Variants in YTHDC2 observed in about 807,000 individuals in gnomAD.
YTHDC2 encodes the protein YTH N6-methyladenosine RNA binding protein C2, also known as 3'-5' RNA helicase YTHDC2.
YTHDC2 carries 45 observed loss-of-function variants against 174.9 expected under a neutral mutation model. The ratio of observed to expected loss-of-function variants is 0.26; its 90% confidence interval spans 0.20 to 0.33. The LOEUF is 0.33. YTHDC2 is among the 10% of genes least tolerant of loss of function. The pLI is 1.00. For synonymous variants in YTHDC2, 657 were observed against 574.5 expected (o/e 1.14, Z -2.05); for missense variants, 1,650 against 1,723.7 (o/e 0.96, Z 0.76).
Position 113,592,134 on chromosome 5 carries a change from C to G in YTHDC2, c.4168C>G (p.Pro1390Ala). The change falls in exon 28 of 30, where the codon CCA becomes GCA. Residue 1390 changes from proline to alanine, a missense_variant. Transcript: ENST00000161863. Reference sequence around the variant, plus strand: ...TCAATTTGCACACCATTTACTCAATCCATGGAATGACAACAAGAAAGTGCA... The same window carrying G: ...TCAATTTGCACACCATTTACTCAATGCATGGAATGACAACAAGAAAGTGCA... ...PFQFAHHLLNPWNDNKKVQIS... is the reference protein window; with the variant it reads ...PFQFAHHLLNAWNDNKKVQIS... 6.2e-7 allele frequency: 1 copy of G among 1,612,584 alleles called. No homozygotes were observed. The highest frequency in any genetic ancestry group is 8.5e-7 in the Non-Finnish European group (1 of 1,179,332).
At chr5:113,534,467 T>G (rs947819094) in intron 6 of YTHDC2, 60 bp downstream of exon 6, 1 of 1,469,106 alleles carries the variant, frequency 6.8e-7, no homozygotes, top group Non-Finnish European at 9.5e-7. Context: ...TAAATACATA[T>G]GCCGTTTCAG....
At chr5:113,520,512 T>C (rs1445584247) in intron 2 of YTHDC2, among the ~76,000 whole-genome samples, 1 of 151,874 alleles carries the variant, frequency 6.6e-6, no homozygotes, top group Non-Finnish European at 1.5e-5. Flanking sequence ...TTTTTTTTTT[T>C]CTTTAAATGA....
In YTHDC2 at chr5:113,593,597, G is replaced by A. The variant is rs1779118208; in HGVS notation, c.*123G>A. Reference sequence around the variant, plus strand: ...GGCTTTTTAACACTTTTAGAGTGTTGCTTTAGAACTACCATCTTCATATAC... The same window carrying A: ...GGCTTTTTAACACTTTTAGAGTGTTACTTTAGAACTACCATCTTCATATAC... On this transcript the variant is annotated 3_prime_UTR_variant, in exon 30 of 30. Coordinates refer to ENST00000161863, the MANE Select transcript of YTHDC2 (RefSeq NM_022828.5). 2.6e-6 allele frequency: 1 copy of A among 388,044 alleles called. No homozygotes were observed. Among genetic ancestry groups the A allele is most frequent in the African/African-American group, 2.0e-5 (1 of 49,544 alleles). The allele number at this position is 388,044 out of a possible 1,614,324, so 24.0% of individuals were successfully genotyped here. A position where few individuals can be genotyped will look rare whatever the true frequency, so the allele number is the denominator to read the frequency against.
rs925973343 is a variant in YTHDC2 at position 113,545,120 on chromosome 5, A to G, written c.1495+2617A>G. Among the ~76,000 whole-genome samples the G allele has an allele frequency of 1.7e-4, 26 of 152,078 alleles. 1 individual carries two copies. The highest frequency in any genetic ancestry group is 4.8e-4 in the African/African-American group (20 of 41,412). ...TTTTAAAAAATTCTAATTGTTATCT[A>G]TTGCATTAATAAGCTTTCTCTGTTT... On this transcript the variant is annotated intron_variant, in intron 10 of 29. Transcript: ENST00000161863.
rs1340244073 is a variant in YTHDC2 at position 113,594,020 on chromosome 5, T to A, written c.*546T>A. The A allele has an allele frequency of 2.0e-5, 3 of 152,192 alleles. No homozygotes were observed. The highest frequency in any genetic ancestry group is 1.3e-4 in the Admixed American group (2 of 15,270). The allele number at this position is 152,192 out of a possible 1,614,324, so 9.4% of individuals were successfully genotyped here. On this transcript the variant is annotated 3_prime_UTR_variant, in exon 30 of 30. Transcript: ENST00000161863. Reference sequence around the variant, plus strand: ...GTGTGTGCTAACTAAGGGCTATTCATTCTGCCATTTTTAACTTGAGACACA... The same window carrying A: ...GTGTGTGCTAACTAAGGGCTATTCAATCTGCCATTTTTAACTTGAGACACA...
chr5:113,522,122 C>A (rs1466971372), intron 2 of YTHDC2, among the ~76,000 whole-genome samples: 2 of 137,006 alleles, frequency 1.5e-5, no homozygotes, highest in Non-Finnish European at 3.1e-5. Context: ...CAAATGAATG[C>A]CTGTTTTTTT....
intron 18 of YTHDC2, among the ~76,000 whole-genome samples, chr5:113,561,921 G>C (rs1004861151): frequency 6.7e-6 from 1 of 149,638 alleles, no homozygotes; most frequent in South Asian, 2.1e-4. Context: ...TTTTAGAACT[G>C]AGTTCACTGA....
At chr5:113,537,276 A>T (rs1006196875) in intron 7 of YTHDC2, among the ~76,000 whole-genome samples, 2 of 151,910 alleles carry the variant, frequency 1.3e-5, no homozygotes, top group African/African-American at 4.8e-5. Flanking sequence ...GTTTGACATT[A>T]ACCTAATTGC....
intron 26 of YTHDC2, among the ~76,000 whole-genome samples, chr5:113,590,540 C>T (rs1484468885): frequency 2.0e-5 from 3 of 152,170 alleles, no homozygotes; most frequent in Non-Finnish European, 4.4e-5. Context: ...TGTGGGAACC[C>T]CTCTGTGTTT....
chr5:113,545,155 A>T (rs1199996771), intron 10 of YTHDC2, among the ~76,000 whole-genome samples: 1 of 152,072 alleles, frequency 6.6e-6, no homozygotes, highest in Non-Finnish European at 1.5e-5. Context: ...TGTCAATTTG[A>T]GGTGTCTGGG....
At position 113,532,812 on chromosome 5, in the gene YTHDC2, T is replaced by A; in HGVS notation, c.676-67T>A. 6.3e-6 allele frequency: 9 copies of A among 1,433,428 alleles called. No individual in the cohort carries two copies. In the South Asian group the frequency reaches 1.3e-4, roughly 20 times the overall value. The allele number at this position is 1,433,428 out of a possible 1,614,324, so 88.8% of individuals were successfully genotyped here. On this transcript the variant is annotated intron_variant, in intron 4 of 29. Coordinates refer to ENST00000161863, the MANE Select transcript of YTHDC2 (RefSeq NM_022828.5). ...ACTTCAATTCTAGTGGTTTTTCAGT[T>A]GATTCACTTAGATTTTTTGTATTAT...
rs572649099 is a variant in YTHDC2, at chr5:113,579,308, C to T, written c.3245-278C>T. Among the ~76,000 whole-genome samples the T allele has an allele frequency of 3.3e-5, 5 of 152,082 alleles. No individual in the cohort carries two copies. In the East Asian group the frequency reaches 7.7e-4, roughly 23 times the overall value. Reference sequence around the variant, plus strand: ...TGAATTATGTTATTTGTTTCTTTTTCATCCAGTTATTAAAGATTGTGCTTC... The same window carrying T: ...TGAATTATGTTATTTGTTTCTTTTTTATCCAGTTATTAAAGATTGTGCTTC... On this transcript the variant is annotated intron_variant, in intron 23 of 29. Coordinates refer to ENST00000161863, the MANE Select transcript of YTHDC2 (RefSeq NM_022828.5).
chr5:113,535,495 C>G (rs920137040), intron 6 of YTHDC2, 147 bp from the exon 7 acceptor site: 1 of 688,618 alleles, frequency 1.5e-6, no homozygotes, highest in African/African-American at 1.9e-5. Flanking sequence ...TCTGAAATTC[C>G]TGTAATACAA....
Position 113,541,016 on chromosome 5 carries a change from A to G in YTHDC2, c.1259A>G (p.Asn420Ser), listed in dbSNP as rs763201186. ...ACAGAATGGTACTCAGCTCAAGAAA[A>G]TAGTTTCAAGCCTGAATCTCAGAGG... The part of the protein sequence containing the change: ...TLTEWYSAQE[N>S]SFKPESQRQR... The change falls in exon 9 of 30, where the codon AAT becomes AGT. Residue 420 changes from asparagine (N) to serine (S), a missense_variant. This residue lies in a region of YTHDC2 where 411 missense variants were observed against 380.6 expected (regional missense o/e 1.08). Coordinates refer to ENST00000161863, the MANE Select transcript of YTHDC2 (RefSeq NM_022828.5). The G allele has an allele frequency of 2.5e-6, 4 of 1,614,130 alleles. No homozygotes were observed. The highest frequency in any genetic ancestry group is 3.4e-6 in the Non-Finnish European group (4 of 1,180,016).
chr5:113,523,285 CAG>C (rs955678827), intron 2 of YTHDC2, among the ~76,000 whole-genome samples: 8 of 152,082 alleles, frequency 5.3e-5, no homozygotes, highest in Admixed American at 1.3e-4. Flanking sequence ...TGTACAGTGT[CAG>C]AGAAGTAAAA....
intron 9 of YTHDC2, among the ~76,000 whole-genome samples, chr5:113,541,743 T>C (rs895024906): frequency 6.6e-6 from 1 of 152,090 alleles, no homozygotes; most frequent in Non-Finnish European, 1.5e-5. Flanking sequence ...GTAATAAAAA[T>C]TGTTATTTAA....
chr5:113,589,395 T>TAAAAAAAAA (rs1156968093), intron 26 of YTHDC2, among the ~76,000 whole-genome samples: 1 of 114,488 alleles, frequency 8.7e-6, no homozygotes, highest in African/African-American at 3.7e-5. Flanking sequence ...TTTTAAAAAT[T>TAAAAAAAAA]AAAAAAAAAA....
chr5:113,569,446 A>G (rs958712311), intron 23 of YTHDC2, among the ~76,000 whole-genome samples: 2 of 152,100 alleles, frequency 1.3e-5, no homozygotes, highest in African/African-American at 4.8e-5. Flanking sequence ...GGTATTGCCT[A>G]GATTTTCTTC....
intron 6 of YTHDC2, among the ~76,000 whole-genome samples, chr5:113,535,349 C>T (rs1453100551): frequency 6.6e-6 from 1 of 151,640 alleles, no homozygotes; most frequent in East Asian, 1.9e-4. Context: ...AAATACTATG[C>T]CATTTTTTTT....
Sources: allele counts gnomAD v4.1 joint callset (sites outside exome capture counted in the v4.1 genomes callset), GRCh38; gene constraint gnomAD v4.1.1; regional missense constraint gnomAD v4.1.1; transcripts MANE v1.5; gene names NCBI Gene and HGNC (gene_info 2026-07-23, HGNC 2026-07-21).